Variants in ZNF709 observed in about 807,000 individuals in gnomAD.
ZNF709 encodes zinc finger protein 709.
In ZNF709, 15 loss-of-function variants were observed where a neutral mutation model predicts 10.6. The ratio of observed to expected loss-of-function variants is 1.41; its 90% CI spans 0.95 to 2.18. The LOEUF is 2.18. Ranked by LOEUF, ZNF709 falls within the 30% of genes most tolerant of loss-of-function variation. The probability of loss-of-function intolerance (pLI) is 0.00; values close to 1 mark genes in which losing one functional copy is unlikely to be tolerated. For synonymous variants in ZNF709, 194 were observed against 238.8 expected (o/e 0.81, Z 1.73); for missense variants, 589 against 774.0 (o/e 0.76, Z 2.84).
chr19:12,480,758 G>A (rs1370179341), intron 1 of ZNF709, among the ~76,000 whole-genome samples: 1 of 151,852 alleles, frequency 6.6e-6, no homozygotes, highest in Non-Finnish European at 1.5e-5. Context: ...GAATCATATG[G>A]ACTTTGAGGT....
Position 12,473,239 on chromosome 19 carries a change from C to A in ZNF709, c.4-6389G>T, listed in dbSNP as rs1169514162. Among the ~76,000 whole-genome samples the A allele has an allele frequency of 2.0e-5, 3 of 152,208 alleles. No individual in the cohort carries two copies. The East Asian group carries it at 5.8e-4, about 29-fold the overall frequency. ...TGAACTGGAAAAAGCCCAAACACCA[C>A]CATCAATGGATTGGATGATAAAATT... On this transcript the variant is annotated intron_variant, in intron 1 of 3. Transcript: ENST00000397732.
chr19:12,482,809 G>A (rs1970739818), intron 1 of ZNF709, among the ~76,000 whole-genome samples: 1 of 152,114 alleles, frequency 6.6e-6, no homozygotes, highest in Non-Finnish European at 1.5e-5. Context: ...CTGCAGGGGA[G>A]GCTCCCTAGG....
chr19:12,484,723 C>T lies in ZNF709; in HGVS notation c.-66G>A. ...CCCGCGGCCAGCACAGGTCCTACCT[C>T]CACCTGAGGCCCTTCCTCCACCTGA... On this transcript the variant is annotated 5_prime_UTR_variant, in exon 1 of 4. Transcript: ENST00000397732. 1.2e-6 allele frequency: 2 copies of T among 1,610,560 alleles called. No homozygotes were observed. Among genetic ancestry groups the T allele is most frequent in the Non-Finnish European group, 1.7e-6 (2 of 1,177,032 alleles).
chr19:12,479,607 A>G (rs1332434960), intron 1 of ZNF709, among the ~76,000 whole-genome samples: 1 of 152,200 alleles, frequency 6.6e-6, no homozygotes, highest in African/African-American at 2.4e-5. Context: ...GCGATGGCTC[A>G]CGCCTGTAAT....
chr19:12,473,790 C>T (rs1174145165), intron 1 of ZNF709, among the ~76,000 whole-genome samples: 1 of 152,108 alleles, frequency 6.6e-6, no homozygotes, highest in Non-Finnish European at 1.5e-5. Flanking sequence ...CACCTATAAC[C>T]CCAGCACTTT....
chr19:12,472,929 C>T (rs1315751183), intron 1 of ZNF709, among the ~76,000 whole-genome samples: 1 of 151,992 alleles, frequency 6.6e-6, no homozygotes, highest in Non-Finnish European at 1.5e-5. Context: ...TTGATACAGC[C>T]AAATGAAATA....
rs1970514798 is a variant in ZNF709, at chr19:12,461,513, A to G, written c.*2483T>C. 1 of 152,154 alleles carries G rather than the reference A, an allele frequency of 6.6e-6. No individual in the cohort carries two copies. The highest frequency in any genetic ancestry group is 2.4e-5 in the African/African-American group (1 of 41,412). 9.4% of individuals were successfully genotyped at this position (152,154 alleles called of 1,614,324 possible). A position where few individuals can be genotyped will look rare whatever the true frequency, so the allele number is the denominator to read the frequency against. On this transcript the variant is annotated 3_prime_UTR_variant, in exon 4 of 4. Transcript: ENST00000397732. ...CACCCATGTAGTTCTTTTTGACTGCACCACTGTAGTTGTCACGGTGGAATC... is the reference window on the plus strand; with the variant it reads ...CACCCATGTAGTTCTTTTTGACTGCGCCACTGTAGTTGTCACGGTGGAATC...
At chr19:12,479,566 A>G (rs1442415154) in intron 1 of ZNF709, among the ~76,000 whole-genome samples, 1 of 152,142 alleles carries the variant, frequency 6.6e-6, no homozygotes, top group Admixed American at 6.5e-5. Context: ...TCTACGTATG[A>G]AACAATCCTA....
At chr19:12,481,439 C>T (rs1970726140) in intron 1 of ZNF709, among the ~76,000 whole-genome samples, 1 of 152,036 alleles carries the variant, frequency 6.6e-6, no homozygotes, top group Admixed American at 6.6e-5. Context: ...AGGGTTTCAC[C>T]AAGTTGGCCA....
At chr19:12,465,994 G>A (rs974482839) in intron 3 of ZNF709, among the ~76,000 whole-genome samples, 1 of 147,276 alleles carries the variant, frequency 6.8e-6, no homozygotes, top group East Asian at 2.0e-4. Flanking sequence ...AGGCTGCAGT[G>A]CAGTGGCACA....
chr19:12,484,718 T>C lies in ZNF709; in HGVS notation c.-61A>G, dbSNP rs375165742. 9.3e-6 allele frequency: 15 copies of C among 1,612,392 alleles called. No individual in the cohort carries two copies. The highest frequency in any genetic ancestry group is 5.1e-6 in the Non-Finnish European group (6 of 1,178,706). On this transcript the variant is annotated 5_prime_UTR_variant, in exon 1 of 4. Transcript: ENST00000397732. ...CCTCTCCCGCGGCCAGCACAGGTCC[T>C]ACCTCCACCTGAGGCCCTTCCTCCA...
At chr19:12,470,587 G>A (rs1970626745) in intron 1 of ZNF709, among the ~76,000 whole-genome samples, 1 of 152,108 alleles carries the variant, frequency 6.6e-6, no homozygotes, top group Non-Finnish European at 1.5e-5. Context: ...CTGATATCTG[G>A]GAAGTGAGAA....
At chr19:12,478,172 CT>C (rs1970692106) in intron 1 of ZNF709, among the ~76,000 whole-genome samples, 1 of 152,164 alleles carries the variant, frequency 6.6e-6, no homozygotes, top group South Asian at 2.1e-4. Context: ...TCTTTTGTCT[CT>C]TTTTCAAAAA....
At chr19:12,475,997 A>T (rs2040517240) in intron 1 of ZNF709, among the ~76,000 whole-genome samples, 1 of 152,242 alleles carries the variant, frequency 6.6e-6, no homozygotes, top group South Asian at 2.1e-4. Flanking sequence ...GTGTTGGAAA[A>T]ACTGAACATC....
At chr19:12,481,774 G>A (rs1258336543) in intron 1 of ZNF709, among the ~76,000 whole-genome samples, 1 of 151,958 alleles carries the variant, frequency 6.6e-6, no homozygotes, top group African/African-American at 2.4e-5. Flanking sequence ...AGGTGTGACA[G>A]TGCACACCTG....
At chr19:12,482,616 T>C (rs559185820) in intron 1 of ZNF709, among the ~76,000 whole-genome samples, 1 of 152,096 alleles carries the variant, frequency 6.6e-6, no homozygotes, top group East Asian at 1.9e-4. Flanking sequence ...ACACAACAGA[T>C]GCAAAACTCA....
chr19:12,484,325 G>A (rs1320524591), intron 1 of ZNF709, among the ~76,000 whole-genome samples: 1 of 152,154 alleles, frequency 6.6e-6, no homozygotes, highest in Non-Finnish European at 1.5e-5. Flanking sequence ...CGAACCCCAC[G>A]ACCGAGACGG....
At chr19:12,480,130 G>A (rs905029366) in intron 1 of ZNF709, among the ~76,000 whole-genome samples, 3 of 151,824 alleles carry the variant, frequency 2.0e-5, no homozygotes, top group Non-Finnish European at 4.4e-5. Flanking sequence ...ACTCTAACTA[G>A]GACAACAGAG....
chr19:12,476,025 G>GA (rs1970675394), intron 1 of ZNF709, among the ~76,000 whole-genome samples: 1 of 151,984 alleles, frequency 6.6e-6, no homozygotes, highest in South Asian at 2.1e-4. Context: ...AAAACACAAT[G>GA]AAAAAAACAC....
Sources: allele counts gnomAD v4.1 joint callset (sites outside exome capture counted in the v4.1 genomes callset), GRCh38; gene constraint gnomAD v4.1.1; transcripts MANE v1.5; gene names NCBI Gene and HGNC (gene_info 2026-07-23, HGNC 2026-07-21).